The following PHETA1 variants were observed in gnomAD, a reference collection of about 807,000 sequenced individuals.
The protein encoded by PHETA1 is sesquipedalian-1.
For synonymous variants in PHETA1, 155 were observed against 168.9 expected (o/e 0.92, Z 0.64); for missense variants, 348 against 373.5 (o/e 0.93, Z 0.56).
In PHETA1 at chr12:111,363,769, A is replaced by C; in HGVS notation, c.-36-306T>G. 7.1e-7 allele frequency: 1 copy of C among 1,415,248 alleles called. No homozygotes were observed. The highest frequency in any genetic ancestry group is 9.4e-7 in the Non-Finnish European group (1 of 1,069,420). 87.7% of individuals were successfully genotyped at this position (1,415,248 alleles called of 1,614,324 possible). A position where few individuals can be genotyped will look rare whatever the true frequency, so the allele number is the denominator to read the frequency against. On this transcript the variant is annotated intron_variant, in intron 2 of 2. Coordinates refer to ENST00000683047, the MANE Select transcript of PHETA1 (RefSeq NM_144671.6). The surrounding 1 kb of genome is among the most constrained non-coding windows in gnomAD (Gnocchi z 7.4). ...AGGAATGAACTCACTTTATCTCACA[A>C]TAGACCTTAGGTCACAGGGACTGGC...
rs1351330743 is a variant in PHETA1 at position 111,361,943 on chromosome 12, A to T, written c.*735T>A. Reference sequence around the variant, plus strand: ...GAGCCCTGTGAGAGCCACCACGGAGACACAGACAGGGCCCGCGGCCAGAGA... The same window carrying T: ...GAGCCCTGTGAGAGCCACCACGGAGTCACAGACAGGGCCCGCGGCCAGAGA... On this transcript the variant is annotated 3_prime_UTR_variant, in exon 3 of 3. Coordinates refer to ENST00000683047, the MANE Select transcript of PHETA1 (RefSeq NM_144671.6). 1 of 456,184 alleles carries T rather than the reference A, an allele frequency of 2.2e-6. No homozygotes were observed. The highest frequency in any genetic ancestry group is 1.5e-5 in the South Asian group (1 of 64,564). 28.3% of individuals were successfully genotyped at this position (456,184 alleles called of 1,614,324 possible).
Position 111,362,807 on chromosome 12 carries a change from C to T in PHETA1, c.621G>A (p.Pro207=), listed in dbSNP as rs745352292. The T allele has an allele frequency of 2.2e-5, 34 of 1,538,814 alleles. No individual in the cohort carries two copies. The highest frequency in any genetic ancestry group is 9.6e-5 in the African/African-American group (7 of 72,952). The change falls in exon 3 of 3, where the codon CCG becomes CCA. Residue 207 remains proline (P), a synonymous_variant. Coordinates refer to ENST00000683047, the MANE Select transcript of PHETA1 (RefSeq NM_144671.6). ...GGGGTGCCGAGGCCCGGCGGCGAGG[C>T]GGTGGTGGAGGGGGCTCGGGTCCAG... ...FRPGPEPPPP[P]PRRRASAPHG... is the part of the protein sequence containing the mutation.
In PHETA1 at chr12:111,362,338, C is replaced by T. The variant is rs1359698086; in HGVS notation, c.*340G>A. The T allele has an allele frequency of 1.9e-5, 10 of 518,774 alleles. No homozygotes were observed. Among genetic ancestry groups the T allele is most frequent in the African/African-American group, 7.7e-5 (4 of 52,244 alleles). 32.1% of individuals were successfully genotyped at this position (518,774 alleles called of 1,614,324 possible). ...CCAGTGACCCTCTGAGCTGCAGGCC[C>T]GGCAATGCCTGTTGCCAGCACAGGC... On this transcript the variant is annotated 3_prime_UTR_variant, in exon 3 of 3. Transcript: ENST00000683047.
Position 111,368,102 on chromosome 12 carries a change from G to GT in PHETA1, c.-182+809dup, listed in dbSNP as rs1869139038. On this transcript the variant is annotated intron_variant, in intron 1 of 2. Coordinates refer to ENST00000683047, the MANE Select transcript of PHETA1 (RefSeq NM_144671.6). The surrounding 1 kb of genome is among the most constrained non-coding windows in gnomAD (Gnocchi z 5.0). ...CAAATATTAGCTGCTGTGAGTCGGAGTTTTTTCTCAGCCTCATCTGCAAAA... is the reference window on the plus strand; with the variant it reads ...CAAATATTAGCTGCTGTGAGTCGGAGTTTTTTTCTCAGCCTCATCTGCAAAA... Among the ~76,000 whole-genome samples, 1 of 152,248 alleles carries GT rather than the reference G, an allele frequency of 6.6e-6. No individual in the cohort carries two copies. The highest frequency in any genetic ancestry group is 1.5e-5 in the Non-Finnish European group (1 of 68,046).
At chr12:111,365,432 T>G (rs2135508184) in intron 2 of PHETA1, 1 of 453,464 alleles carries the variant, frequency 2.2e-6, no homozygotes, top group Non-Finnish European at 4.4e-6. Context: ...TGCCACCTCC[T>G]GTCAGCCACA....
Position 111,363,572 on chromosome 12 carries a change from A to G in PHETA1, c.-36-109T>C. The G allele has an allele frequency of 6.5e-7, 1 of 1,530,368 alleles. No homozygotes were observed. The highest frequency in any genetic ancestry group is 8.8e-7 in the Non-Finnish European group (1 of 1,142,610). The allele number at this position is 1,530,368 out of a possible 1,614,324, so 94.8% of individuals were successfully genotyped here. On this transcript the variant is annotated intron_variant, in intron 2 of 2. Transcript: ENST00000683047. The surrounding 1 kb of genome is among the most constrained non-coding windows in gnomAD (Gnocchi z 7.4). ...ACATCCCCGTTTCACAGATGAGGAAACTGACGCTCATAGGGTGGAAGCAGC... is the reference window on the plus strand; with the variant it reads ...ACATCCCCGTTTCACAGATGAGGAAGCTGACGCTCATAGGGTGGAAGCAGC...
At position 111,363,215 on chromosome 12, in the gene PHETA1, C is replaced by G. The variant is rs942677456; in HGVS notation, c.213G>C (p.Val71=). Residue 71 remains valine (V), a synonymous_variant, in exon 3 of 3, where the codon GTG becomes GTC. Coordinates refer to ENST00000683047, the MANE Select transcript of PHETA1 (RefSeq NM_144671.6). The surrounding 1 kb of genome is among the most constrained non-coding windows in gnomAD (Gnocchi z 7.4). ...IILEGCTVEL[V]EAAEEFAFAV... ...CGAAGGCGAACTCCTCGGCGGCCTC[C>G]ACCAGCTCCACAGTGCAGCCCTCCA... The G allele has an allele frequency of 6.2e-7, 1 of 1,613,148 alleles. No individual in the cohort carries two copies. Among genetic ancestry groups the G allele is most frequent in the Non-Finnish European group, 8.5e-7 (1 of 1,179,894 alleles).
rs1307104462 is a variant in PHETA1 at position 111,361,561 on chromosome 12, TGTG to T, written c.*1114_*1116del. 1 of 233,282 alleles carries T rather than the reference TGTG, an allele frequency of 4.3e-6. No homozygotes were observed. Among genetic ancestry groups the T allele is most frequent in the African/African-American group, 2.3e-5 (1 of 44,142 alleles). 14.5% of individuals were successfully genotyped at this position (233,282 alleles called of 1,614,324 possible). ...TTCTCCCTGGATGAAAAATGGGCAC[TGTG>T]GTGAGAAGAAAGGGGACCGGCGGTC... On this transcript the variant is annotated 3_prime_UTR_variant, in exon 3 of 3. Transcript: ENST00000683047.
chr12:111,362,155 A>G lies in PHETA1; in HGVS notation c.*523T>C, dbSNP rs959323725. ...CACCGTCCTGCTCCTGGAGGCAGGCAGGCACAGAGCCAGGCCAGCTCCTCT... is the reference window on the plus strand; with the variant it reads ...CACCGTCCTGCTCCTGGAGGCAGGCGGGCACAGAGCCAGGCCAGCTCCTCT... On this transcript the variant is annotated 3_prime_UTR_variant, in exon 3 of 3. Transcript: ENST00000683047. 7.9e-6 allele frequency: 3 copies of G among 379,452 alleles called. No individual in the cohort carries two copies. The highest frequency in any genetic ancestry group is 6.3e-5 in the African/African-American group (3 of 47,788). 23.5% of individuals were successfully genotyped at this position (379,452 alleles called of 1,614,324 possible).
At position 111,363,099 on chromosome 12, in the gene PHETA1, C is replaced by T. The variant is rs757589490; in HGVS notation, c.329G>A (p.Arg110His). ...CAGCCGCAGGTAGTCGAAGCTGGCACGCGACAGGGCCTTGACCCAGCCCTC... is the reference window on the plus strand; with the variant it reads ...CAGCCGCAGGTAGTCGAAGCTGGCATGCGACAGGGCCTTGACCCAGCCCTC... ...AMEGWVKALS[R>H]ASFDYLRLVV... Residue 110 changes from arginine to histidine, a missense_variant, in exon 3 of 3, where the codon CGT becomes CAT. By Grantham distance (29) the Arg-to-His change is conservative. Transcript: ENST00000683047. This position sits in a 1 kb window ranked among gnomAD's most constrained non-coding sequence, Gnocchi z 7.4. 1.0e-5 allele frequency: 16 copies of T among 1,594,304 alleles called. No individual in the cohort carries two copies. Among genetic ancestry groups the T allele is most frequent in the Admixed American group, 3.4e-5 (2 of 59,286 alleles).
At position 111,367,645 on chromosome 12, in the gene PHETA1, C is replaced by G. The variant is rs1188208760; in HGVS notation, c.-182+1267G>C. On this transcript the variant is annotated intron_variant, in intron 1 of 2. Coordinates refer to ENST00000683047, the MANE Select transcript of PHETA1 (RefSeq NM_144671.6). This position sits in a 1 kb window ranked among gnomAD's most constrained non-coding sequence, Gnocchi z 4.0. ...CTCCTGCTCAGCAACCCTCCTCCCC[C>G]GACTGCCTAGATAGAGGCCAAACTG... is the stretch of plus-strand genomic sequence containing the variant. 6.6e-6 allele frequency among the ~76,000 whole-genome samples: 1 copy of G among 152,246 alleles called. No individual in the cohort carries two copies. Among genetic ancestry groups the G allele is most frequent in the Non-Finnish European group, 1.5e-5 (1 of 68,038 alleles).
At position 111,362,908 on chromosome 12, in the gene PHETA1, G is replaced by A. The variant is rs1379611206; in HGVS notation, c.520C>T (p.Leu174=). The change falls in exon 3 of 3, where the codon CTG becomes TTG. Residue 174 remains leucine (L), a synonymous_variant. Coordinates refer to ENST00000683047, the MANE Select transcript of PHETA1 (RefSeq NM_144671.6). ...SAPAPVPALP[L]PRRPSALPPK... is the part of the protein sequence containing the mutation. ...GGGAGGGCACTGGGCCGGCGGGGCA[G>A]GGGCAGGGCTGGGACCGGGGCTGGG... is the stretch of plus-strand genomic sequence containing the variant. The A allele has an allele frequency of 8.6e-6, 13 of 1,511,412 alleles. No individual in the cohort carries two copies. Among genetic ancestry groups the A allele is most frequent in the Non-Finnish European group, 1.1e-5 (13 of 1,134,750 alleles). 93.6% of individuals were successfully genotyped at this position (1,511,412 alleles called of 1,614,324 possible).
Position 111,362,316 on chromosome 12 carries a change from G to A in PHETA1, c.*362C>T. The A allele has an allele frequency of 4.2e-6, 2 of 479,122 alleles. No homozygotes were observed. The highest frequency in any genetic ancestry group is 7.7e-6 in the Non-Finnish European group (2 of 260,658). 29.7% of individuals were successfully genotyped at this position (479,122 alleles called of 1,614,324 possible). Reference sequence around the variant, plus strand: ...AGGCCACAGATCGCCCTCAGTCCCAGTGACCCTCTGAGCTGCAGGCCCGGC... The same window carrying A: ...AGGCCACAGATCGCCCTCAGTCCCAATGACCCTCTGAGCTGCAGGCCCGGC... On this transcript the variant is annotated 3_prime_UTR_variant, in exon 3 of 3. Transcript: ENST00000683047.
chr12:111,366,535 A>C (rs1002286137), intron 1 of PHETA1, among the ~76,000 whole-genome samples: 5 of 151,026 alleles, frequency 3.3e-5, no homozygotes, highest in Non-Finnish European at 7.4e-5. Context: ...TAATCTGTCC[A>C]CTCCACCTCC....
At chr12:111,365,766 A>AC in intron 2 of PHETA1, 1 of 194,162 alleles carries the variant, frequency 5.2e-6, no homozygotes. Flanking sequence ...CTGTTGGGGG[A>AC]TCGGGGGTGA....
In PHETA1 at chr12:111,363,775, C is replaced by A; in HGVS notation, c.-36-312G>T. 1 of 1,399,916 alleles carries A rather than the reference C, an allele frequency of 7.1e-7. No homozygotes were observed. Among genetic ancestry groups the A allele is most frequent in the Non-Finnish European group, 9.4e-7 (1 of 1,059,360 alleles). 86.7% of individuals were successfully genotyped at this position (1,399,916 alleles called of 1,614,324 possible). On this transcript the variant is annotated intron_variant, in intron 2 of 2. Transcript: ENST00000683047. The surrounding 1 kb of genome is among the most constrained non-coding windows in gnomAD (Gnocchi z 7.4). ...GAACTCACTTTATCTCACAATAGAC[C>A]TTAGGTCACAGGGACTGGCCTGGCA...
intron 1 of PHETA1, among the ~76,000 whole-genome samples, chr12:111,366,552 T>C (rs946274649): frequency 6.6e-6 from 1 of 152,136 alleles, no homozygotes; most frequent in Non-Finnish European, 1.5e-5. Flanking sequence ...CTCCCCATTC[T>C]AGGCCCCATC....
chr12:111,362,631 A>T lies in PHETA1; in HGVS notation c.*47T>A. The T allele has an allele frequency of 6.5e-7, 1 of 1,548,202 alleles. No homozygotes were observed. The highest frequency in any genetic ancestry group is 2.4e-5 in the East Asian group (1 of 40,904). On this transcript the variant is annotated 3_prime_UTR_variant, in exon 3 of 3. Transcript: ENST00000683047. Reference sequence around the variant, plus strand: ...GTCTCTCCAGGACCCGGCCTGTCCCAGAGGGCATAGAGCTTGTGTCCCCCT... The same window carrying T: ...GTCTCTCCAGGACCCGGCCTGTCCCTGAGGGCATAGAGCTTGTGTCCCCCT...
At chr12:111,365,088 T>C (rs1271404695) in intron 2 of PHETA1, among the ~76,000 whole-genome samples, 1 of 152,108 alleles carries the variant, frequency 6.6e-6, no homozygotes, top group Non-Finnish European at 1.5e-5. Flanking sequence ...GAGTATATGA[T>C]GGGGCAACGC....
Sources: allele counts gnomAD v4.1 joint callset (sites outside exome capture counted in the v4.1 genomes callset), GRCh38; gene constraint gnomAD v4.1.1; non-coding constraint Gnocchi (gnomAD v3.1); transcripts MANE v1.5; gene names NCBI Gene and HGNC (gene_info 2026-07-23, HGNC 2026-07-21).